Variants in PCDHAC1 observed in about 807,000 individuals in gnomAD.
The protein encoded by PCDHAC1 is protocadherin alpha subfamily C, 1, also known as protocadherin alpha-C1.
A neutral mutation model predicts 60.0 loss-of-function variants in PCDHAC1; 42 were observed. The ratio of observed to expected loss-of-function variants is 0.70; its 90% confidence interval spans 0.55 to 0.90. The LOEUF (loss-of-function observed/expected upper bound fraction) is 0.90. PCDHAC1 is among the 40% of genes least tolerant of loss of function. The pLI is 0.00. For synonymous variants in PCDHAC1, 468 were observed against 499.3 expected (o/e 0.94, Z 0.84); for missense variants, 1,160 against 1,222.3 (o/e 0.95, Z 0.76).
chr5:140,967,431 T>G, intron 1 of PCDHAC1: 1 of 1,613,498 alleles, frequency 6.2e-7, no homozygotes, highest in Non-Finnish European at 8.5e-7. Flanking sequence ...CAGGCAGCCT[T>G]GCACCACCTG....
intron 1 of PCDHAC1, among the ~76,000 whole-genome samples, chr5:140,931,398 T>C: frequency 6.6e-6 from 1 of 152,112 alleles, no homozygotes; most frequent in African/African-American, 2.4e-5. Context: ...AAGTAAGCGA[T>C]AGGAAGGCTG....
At chr5:141,006,119 T>C (rs1327328997) in intron 3 of PCDHAC1, among the ~76,000 whole-genome samples, 14 of 152,070 alleles carry the variant, frequency 9.2e-5, no homozygotes, top group South Asian at 4.2e-4. Context: ...TTTTTTTTTT[T>C]CTCAAGGCAG....
intron 3 of PCDHAC1, among the ~76,000 whole-genome samples, chr5:141,009,295 A>AT (rs1258767808): frequency 6.6e-6 from 1 of 152,030 alleles, no homozygotes; most frequent in African/African-American, 2.4e-5. Flanking sequence ...TTTCTATAAA[A>AT]TTTTTTTTAA....
rs1263474406 is a variant in PCDHAC1, at chr5:140,967,341, A to G, written c.2434-11608A>G. ...ACCTACGAGCTCAGCCCCAGCGAGCACTTCGAGCTGGACCTTAAGCCCCTG... is the reference window on the plus strand; with the variant it reads ...ACCTACGAGCTCAGCCCCAGCGAGCGCTTCGAGCTGGACCTTAAGCCCCTG... On this transcript the variant is annotated intron_variant, in intron 1 of 3. Coordinates refer to ENST00000253807, the MANE Select transcript of PCDHAC1 (RefSeq NM_018898.5). 3 of 1,607,922 alleles carry G rather than the reference A, an allele frequency of 1.9e-6. No homozygotes were observed. The highest frequency in any genetic ancestry group is 1.3e-5 in the African/African-American group (1 of 74,782).
At chr5:140,966,874 A>C (rs782520756) in intron 1 of PCDHAC1, 275 of 1,584,454 alleles carry the variant, frequency 1.7e-4, no homozygotes, top group Non-Finnish European at 2.3e-4. Flanking sequence ...TGCTGCTGCT[A>C]CCTGGCCCTG....
At chr5:140,970,331 T>C (rs1442466340) in intron 1 of PCDHAC1, among the ~76,000 whole-genome samples, 1 of 152,210 alleles carries the variant, frequency 6.6e-6, no homozygotes, top group African/African-American at 2.4e-5. Context: ...TTCCAAAGCA[T>C]GCATTCATTT....
Position 140,949,482 on chromosome 5 carries a change from A to G in PCDHAC1, c.2433+20157A>G, listed in dbSNP as rs1435722195. Among the ~76,000 whole-genome samples, 4 of 151,834 alleles carry G rather than the reference A, an allele frequency of 2.6e-5. No homozygotes were observed. The South Asian group carries it at 8.3e-4, about 31-fold the overall frequency. ...TGAAGCCCTGTTATTAGGCACACACATTGATGATTATTATAATTTCCTGAT... is the reference window on the plus strand; with the variant it reads ...TGAAGCCCTGTTATTAGGCACACACGTTGATGATTATTATAATTTCCTGAT... On this transcript the variant is annotated intron_variant, in intron 1 of 3. Transcript: ENST00000253807.
intron 3 of PCDHAC1, among the ~76,000 whole-genome samples, chr5:141,003,100 T>TTCACAATC (rs1311391173): frequency 6.6e-6 from 1 of 152,240 alleles, no homozygotes; most frequent in African/African-American, 2.4e-5. Flanking sequence ...TGGCATTTGC[T>TTCACAATC]TCACAATCTT....
chr5:140,980,873 T>C (rs1586863406), intron 2 of PCDHAC1, among the ~76,000 whole-genome samples: 1 of 152,338 alleles, frequency 6.6e-6, no homozygotes, highest in East Asian at 1.9e-4. Context: ...TGCTTGGGTG[T>C]TCTCGGTCTT....
At chr5:141,007,395 CAAAAAAAA>C (rs35800918) in intron 3 of PCDHAC1, among the ~76,000 whole-genome samples, 98 of 94,844 alleles carry the variant, frequency 1.0e-3, no homozygotes, top group African/African-American at 2.9e-3. Context: ...TACTAAAATA[CAAAAAAAA>C]AAAAAAAAAA....
intron 1 of PCDHAC1, among the ~76,000 whole-genome samples, chr5:140,961,980 T>C (rs909552255): frequency 6.6e-6 from 1 of 151,768 alleles, no homozygotes; most frequent in Non-Finnish European, 1.5e-5. Context: ...GCCTCCTGGG[T>C]TCACGCCATT....
chr5:141,009,178 G>A (rs1233603015), intron 3 of PCDHAC1, among the ~76,000 whole-genome samples: 1 of 152,212 alleles, frequency 6.6e-6, no homozygotes, highest in African/African-American at 2.4e-5. Context: ...GCCTTGGCTG[G>A]GTGTGGTAGC....
At chr5:140,969,267 G>A in intron 1 of PCDHAC1, 5 of 1,614,208 alleles carry the variant, frequency 3.1e-6, no homozygotes, top group South Asian at 2.2e-5. Flanking sequence ...AATCTCACAG[G>A]CCAAAGTGGT....
chr5:140,987,730 C>CAA (rs2097266231), intron 3 of PCDHAC1, among the ~76,000 whole-genome samples: 1 of 152,066 alleles, frequency 6.6e-6, no homozygotes, highest in African/African-American at 2.4e-5. Flanking sequence ...CCTACAGCTT[C>CAA]AAAATTTAGA....
At chr5:140,984,987 G>C (rs1034950978) in intron 3 of PCDHAC1, among the ~76,000 whole-genome samples, 7 of 152,028 alleles carry the variant, frequency 4.6e-5, no homozygotes, top group Admixed American at 2.0e-4. Flanking sequence ...CCCCAGGCTG[G>C]AGTCCAGTGG....
intron 1 of PCDHAC1, among the ~76,000 whole-genome samples, chr5:140,945,587 C>A (rs2093812111): frequency 6.6e-6 from 1 of 152,052 alleles, no homozygotes; most frequent in African/African-American, 2.4e-5. Context: ...TCAAAATATA[C>A]TTCAAAGCTA....
At chr5:140,980,948 G>C (rs72802987) in intron 2 of PCDHAC1, among the ~76,000 whole-genome samples, 1 of 152,206 alleles carries the variant, frequency 6.6e-6, no homozygotes, top group Non-Finnish European at 1.5e-5. Flanking sequence ...CTGGCTCCAG[G>C]ATAGTTACAC....
intron 1 of PCDHAC1, among the ~76,000 whole-genome samples, chr5:140,964,284 A>C (rs190870993): frequency 6.6e-6 from 1 of 152,362 alleles, no homozygotes; most frequent in East Asian, 1.9e-4. Context: ...AGTAAATTCT[A>C]GCTGGAGCTA....
Position 140,928,223 on chromosome 5 carries a change from A to G in PCDHAC1, c.1331A>G (p.Asn444Ser), listed in dbSNP as rs2085050678. The G allele has an allele frequency of 6.2e-7, 1 of 1,614,178 alleles. No individual in the cohort carries two copies. Residue 444 changes from asparagine (N) to serine (S), a missense_variant, in exon 1 of 4, where the codon AAC becomes AGC. Physicochemically the swap from Asn to Ser is conservative, Grantham distance 46. Transcript: ENST00000253807. ...GCTGATGTGAATGACAATACACCAA[A>G]CTTTCCTCAACCCCAGCAGGAACTT... is the stretch of plus-strand genomic sequence containing the variant. ...SVADVNDNTPNFPQPQQELFV... is the reference protein window; with the variant it reads ...SVADVNDNTPSFPQPQQELFV...
Sources: allele counts gnomAD v4.1 joint callset (sites outside exome capture counted in the v4.1 genomes callset), GRCh38; gene constraint gnomAD v4.1.1; transcripts MANE v1.5; gene names NCBI Gene and HGNC (gene_info 2026-07-23, HGNC 2026-07-21).